The following ADGRG6 variants were observed in gnomAD, a reference collection of about 807,000 sequenced individuals.
ADGRG6 encodes the protein G-protein coupled receptor 126.
ADGRG6 carries 84 observed loss-of-function variants against 142.4 expected under a neutral mutation model. That is an observed-to-expected ratio of 0.59 (90% CI 0.49 to 0.71). The LOEUF is 0.71. Ranked by LOEUF, ADGRG6 falls within the 30% of genes least tolerant of loss-of-function variation. The pLI is 0.00. For synonymous variants in ADGRG6, 521 were observed against 520.5 expected (o/e 1.00, Z -0.01); for missense variants, 1,367 against 1,466.6 (o/e 0.93, Z 1.11).
At chr6:142,322,802 T>A (rs924579879) in intron 2 of ADGRG6, among the ~76,000 whole-genome samples, 1 of 152,130 alleles carries the variant, frequency 6.6e-6, no homozygotes, top group Non-Finnish European at 1.5e-5. Flanking sequence ...TGGTTTATCA[T>A]CTATTTACTA....
chr6:142,391,330 A>G (rs1251109362), intron 7 of ADGRG6, among the ~76,000 whole-genome samples: 1 of 151,458 alleles, frequency 6.6e-6, no homozygotes, highest in Non-Finnish European at 1.5e-5. Context: ...TTGAGTCACT[A>G]TACATTCTGA....
rs572769733 is a variant in ADGRG6, at chr6:142,305,463, C to T, written c.2+3132C>T. On this transcript the variant is annotated intron_variant, in intron 1 of 24. Coordinates refer to ENST00000367609, the MANE Select transcript of ADGRG6 (RefSeq NM_198569.3). ...ACACACACACACACACACACACACA[C>T]ACACACAATTTTTTTCTGAACCATC... 2.1e-5 allele frequency among the ~76,000 whole-genome samples: 3 copies of T among 142,758 alleles called. No individual in the cohort carries two copies. The South Asian group carries it at 6.8e-4, about 32-fold the overall frequency. The allele number at this position is 142,758 out of a possible 152,430, so 93.7% of individuals were successfully genotyped here. A position where few individuals can be genotyped will look rare whatever the true frequency, so the allele number is the denominator to read the frequency against.
intron 4 of ADGRG6, among the ~76,000 whole-genome samples, chr6:142,374,045 CATTAGTTT>C (rs1781382481): frequency 6.6e-6 from 1 of 151,870 alleles, no homozygotes; most frequent in African/African-American, 2.4e-5. Context: ...CAGCCATGCC[CATTAGTTT>C]ATATATTGTC....
At chr6:142,426,387 C>G (rs1776946554) in intron 22 of ADGRG6, among the ~76,000 whole-genome samples, 2 of 152,154 alleles carry the variant, frequency 1.3e-5, no homozygotes. Context: ...TCTTAAGATT[C>G]CAAAATCATC....
intron 2 of ADGRG6, among the ~76,000 whole-genome samples, chr6:142,319,868 A>G (rs1437338515): frequency 1.3e-5 from 2 of 152,066 alleles, no homozygotes; most frequent in African/African-American, 4.8e-5. Context: ...TAAAACTCCC[A>G]TCTGTGGGAA....
rs567826934 is a variant in ADGRG6 at position 142,344,027 on chromosome 6, A to G, written c.104-23542A>G. ...TATCTTTCTGTTGAACAACAGTTACAGTTCCTACTGGATTTTCTTTTGGTT... is the reference window on the plus strand; with the variant it reads ...TATCTTTCTGTTGAACAACAGTTACGGTTCCTACTGGATTTTCTTTTGGTT... On this transcript the variant is annotated intron_variant, in intron 2 of 24. Transcript: ENST00000367609. Among the ~76,000 whole-genome samples, 4 of 152,110 alleles carry G rather than the reference A, an allele frequency of 2.6e-5. No individual in the cohort carries two copies. The South Asian group carries it at 6.2e-4, about 24-fold the overall frequency.
At chr6:142,311,301 G>C (rs979234279) in intron 2 of ADGRG6, among the ~76,000 whole-genome samples, 1 of 151,804 alleles carries the variant, frequency 6.6e-6, no homozygotes, top group South Asian at 2.1e-4. Context: ...TATCAGATAA[G>C]GTCTTGTGAC....
Position 142,408,179 on chromosome 6 carries a change from G to T in ADGRG6, c.2298G>T (p.Val766=). ...TAGGACCCCAAAGAAAAACTTTAGT[G>T]AGTTATGTGATGGCGTGCAGTATTG... ...QDVGPQRKTL[V]SYVMACSIGN... is the part of the protein sequence containing the mutation. The change falls in exon 16 of 25, where the codon GTG becomes GTT. Residue 766 remains valine (V), a synonymous_variant. Coordinates refer to ENST00000367609, the MANE Select transcript of ADGRG6 (RefSeq NM_198569.3). 6.3e-7 allele frequency: 1 copy of T among 1,588,480 alleles called. No individual in the cohort carries two copies. The highest frequency in any genetic ancestry group is 8.6e-7 in the Non-Finnish European group (1 of 1,164,942).
At chr6:142,341,455 A>G (rs1340493474) in intron 2 of ADGRG6, among the ~76,000 whole-genome samples, 3 of 119,264 alleles carry the variant, frequency 2.5e-5, no homozygotes, top group Admixed American at 1.1e-4. Context: ...TATAGTATAT[A>G]TAGTATATAT....
chr6:142,392,470 G>A (rs1774945649), intron 7 of ADGRG6, among the ~76,000 whole-genome samples: 1 of 151,588 alleles, frequency 6.6e-6, no homozygotes, highest in African/African-American at 2.4e-5. Flanking sequence ...CTAATATTGT[G>A]AGATGGTAAT....
intron 22 of ADGRG6, among the ~76,000 whole-genome samples, chr6:142,422,919 T>C (rs1221474747): frequency 6.7e-6 from 1 of 149,262 alleles, no homozygotes; most frequent in African/African-American, 2.5e-5. Context: ...TGGCCAGTGA[T>C]GATGAGCATT....
Position 142,302,324 on chromosome 6 carries a change from G to A in ADGRG6, c.-6G>A. 1 of 1,613,058 alleles carries A rather than the reference G, an allele frequency of 6.2e-7. No homozygotes were observed. Among genetic ancestry groups the A allele is most frequent in the East Asian group, 2.2e-5 (1 of 44,792 alleles). On this transcript the variant is annotated 5_prime_UTR_variant, in exon 1 of 25. It removes an upstream start codon present in the reference 5' UTR. Transcript: ENST00000367609. ...CCAAAGGGGACCTCGGCGCAGTAAT[G>A]TCAACATGTAAGTCTCACCTTTCAG...
intron 2 of ADGRG6, among the ~76,000 whole-genome samples, chr6:142,352,047 CAG>C: frequency 6.6e-6 from 1 of 152,270 alleles, no homozygotes; most frequent in East Asian, 1.9e-4. Flanking sequence ...CTGTGGAAAA[CAG>C]TGTGGAGATT....
chr6:142,310,672 C>T (rs982142035), intron 2 of ADGRG6, among the ~76,000 whole-genome samples: 5 of 151,714 alleles, frequency 3.3e-5, no homozygotes, highest in Non-Finnish European at 7.4e-5. Context: ...TTAAGAGTTT[C>T]AGTTATTTAC....
intron 2 of ADGRG6, among the ~76,000 whole-genome samples, chr6:142,356,074 G>A (rs1780427692): frequency 6.6e-6 from 1 of 152,290 alleles, no homozygotes; most frequent in Middle Eastern, 3.4e-3. Context: ...CCAGCCCAGT[G>A]CAATTTGAAA....
intron 21 of ADGRG6, among the ~76,000 whole-genome samples, chr6:142,418,595 T>A (rs954280674): frequency 1.3e-5 from 2 of 152,134 alleles, no homozygotes; most frequent in Non-Finnish European, 2.9e-5. Flanking sequence ...TAGAAGTATG[T>A]TCATCAACTC....
At chr6:142,368,846 A>G (rs1562343064) in intron 3 of ADGRG6, among the ~76,000 whole-genome samples, 1 of 152,196 alleles carries the variant, frequency 6.6e-6, no homozygotes, top group Non-Finnish European at 1.5e-5. Context: ...AAAAAAAGCA[A>G]ATTAGAATTA....
At position 142,397,691 on chromosome 6, in the gene ADGRG6, C is replaced by A; in HGVS notation, c.1503C>A (p.Leu501=). 1 of 1,608,134 alleles carries A rather than the reference C, an allele frequency of 6.2e-7. No homozygotes were observed. ...NLEGKIIQQK[L]LKNNESLDEG... Reference sequence around the variant, plus strand: ...AAGGAAAAATCATTCAGCAGAAGCTCCTAAAAAATAATGAGTCCTTGGATG... The same window carrying A: ...AAGGAAAAATCATTCAGCAGAAGCTACTAAAAAATAATGAGTCCTTGGATG... Residue 501 remains leucine, a synonymous_variant, in exon 10 of 25, where the codon CTC becomes CTA. Coordinates refer to ENST00000367609, the MANE Select transcript of ADGRG6 (RefSeq NM_198569.3).
intron 10 of ADGRG6, among the ~76,000 whole-genome samples, chr6:142,400,240 GT>G (rs771958846): frequency 6.6e-6 from 1 of 151,862 alleles, no homozygotes; most frequent in South Asian, 2.1e-4. Flanking sequence ...ACATAACTGT[GT>G]TTTTTACTTA....
Sources: gnomAD v4.1 joint callset for allele counts (sites outside exome capture counted in the v4.1 genomes callset) on GRCh38, gnomAD v4.1.1 for gene constraint, MANE v1.5 for transcripts, NCBI Gene and HGNC (gene_info 2026-07-23, HGNC 2026-07-21) for gene names.